CCDC85A: variants seen among roughly 807,000 people sequenced by gnomAD.
CCDC85A encodes the protein coiled-coil domain-containing protein 85A.
CCDC85A carries 38 observed loss-of-function variants against 50.2 expected under a neutral mutation model. The observed-to-expected ratio is 0.76, with a 90% CI of 0.58 to 0.99. The LOEUF is 0.99. Among genes scored for constraint, CCDC85A ranks in the 50% least tolerant of loss-of-function variants. The pLI is 0.00. For synonymous variants in CCDC85A, 366 were observed against 301.4 expected (o/e 1.21, Z -2.22); for missense variants, 820 against 742.0 (o/e 1.11, Z -1.22).
At chr2:56,225,915 C>T (rs1298917246) in intron 2 of CCDC85A, among the ~76,000 whole-genome samples, 1 of 152,078 alleles carries the variant, frequency 6.6e-6, no homozygotes, top group Admixed American at 6.5e-5. Context: ...ATTATATTTC[C>T]AGCTAACTCT....
intron 2 of CCDC85A, among the ~76,000 whole-genome samples, chr2:56,246,433 A>T (rs533679212): frequency 1.3e-5 from 2 of 152,206 alleles, no homozygotes; most frequent in South Asian, 4.1e-4. Context: ...CTAAAAAAAA[A>T]ACCCCACATA....
intron 3 of CCDC85A, among the ~76,000 whole-genome samples, chr2:56,368,825 CACAT>C (rs1487854689): frequency 6.6e-6 from 1 of 151,712 alleles, no homozygotes; most frequent in Non-Finnish European, 1.5e-5. Context: ...TTTATATATA[CACAT>C]ACATATGTAC....
intron 3 of CCDC85A, among the ~76,000 whole-genome samples, chr2:56,364,207 A>G (rs902187824): frequency 7.2e-5 from 11 of 152,086 alleles, no homozygotes; most frequent in Non-Finnish European, 1.2e-4. Context: ...CTACAGAGAC[A>G]CTGGGTGTTT....
intron 1 of CCDC85A, among the ~76,000 whole-genome samples, chr2:56,187,433 A>G (rs1676097744): frequency 6.6e-6 from 1 of 152,134 alleles, no homozygotes; most frequent in East Asian, 1.9e-4. Context: ...CCTAGCACTG[A>G]TTGACTTGTT....
chr2:56,319,786 G>T (rs2104254847), intron 2 of CCDC85A, among the ~76,000 whole-genome samples: 1 of 152,156 alleles, frequency 6.6e-6, no homozygotes, highest in Middle Eastern at 3.4e-3. Context: ...ATTGACTGGG[G>T]AATTCATTGG....
At chr2:56,338,477 G>C (rs183226484) in intron 2 of CCDC85A, among the ~76,000 whole-genome samples, 2 of 152,074 alleles carry the variant, frequency 1.3e-5, no homozygotes, top group African/African-American at 4.8e-5. Context: ...TACCCAAAAG[G>C]CTTCTTTCTT....
chr2:56,326,304 C>T (rs1331371503), intron 2 of CCDC85A, among the ~76,000 whole-genome samples: 1 of 152,096 alleles, frequency 6.6e-6, no homozygotes, highest in Non-Finnish European at 1.5e-5. Context: ...AGATTAAATA[C>T]ATGTAAAAAA....
At chr2:56,232,185 G>A (rs1223839406) in intron 2 of CCDC85A, among the ~76,000 whole-genome samples, 1 of 151,974 alleles carries the variant, frequency 6.6e-6, no homozygotes, top group Non-Finnish European at 1.5e-5. Context: ...ATAAGACTTT[G>A]AGTGAACACC....
At chr2:56,304,963 C>A (rs1367932543) in intron 2 of CCDC85A, among the ~76,000 whole-genome samples, 2 of 150,394 alleles carry the variant, frequency 1.3e-5, no homozygotes, top group African/African-American at 4.9e-5. Context: ...AAAACCTGGG[C>A]GTGGTGGTGT....
chr2:56,351,798 A>G (rs1489142257), intron 3 of CCDC85A, among the ~76,000 whole-genome samples: 2 of 151,578 alleles, frequency 1.3e-5, no homozygotes, highest in East Asian at 1.9e-4. Context: ...CCCATTTTGT[A>G]GGTTGCCTGT....
At chr2:56,189,643 G>A (rs1462074293) in intron 1 of CCDC85A, among the ~76,000 whole-genome samples, 2 of 152,238 alleles carry the variant, frequency 1.3e-5, no homozygotes, top group Admixed American at 1.3e-4. Flanking sequence ...GATTCGGAGA[G>A]TACACTGTGT....
At chr2:56,258,601 T>C (rs903133067) in intron 2 of CCDC85A, among the ~76,000 whole-genome samples, 4 of 152,212 alleles carry the variant, frequency 2.6e-5, no homozygotes, top group African/African-American at 7.2e-5. Context: ...TAGAATGGGA[T>C]AGATAGCAAA....
chr2:56,315,298 T>C (rs1672871912), intron 2 of CCDC85A, among the ~76,000 whole-genome samples: 1 of 152,112 alleles, frequency 6.6e-6, no homozygotes, highest in South Asian at 2.1e-4. Flanking sequence ...TTTGGATAAA[T>C]AACTAAAGAA....
At chr2:56,266,897 A>C (rs552466159) in intron 2 of CCDC85A, among the ~76,000 whole-genome samples, 1 of 152,222 alleles carries the variant, frequency 6.6e-6, no homozygotes, top group Non-Finnish European at 1.5e-5. Flanking sequence ...TGAAACTATT[A>C]ACATTCAAGT....
At chr2:56,291,773 CTTT>C (rs35549209) in intron 2 of CCDC85A, among the ~76,000 whole-genome samples, 58 of 115,460 alleles carry the variant, frequency 5.0e-4, no homozygotes, top group Admixed American at 4.4e-4. Flanking sequence ...AATGGGAAGG[CTTT>C]TTTTTTTTTT....
chr2:56,304,619 G>A (rs1309797100), intron 2 of CCDC85A, among the ~76,000 whole-genome samples: 3 of 152,072 alleles, frequency 2.0e-5, no homozygotes, highest in Non-Finnish European at 4.4e-5. Flanking sequence ...AATAGTAAAT[G>A]TACAAAAAAT....
chr2:56,292,040 A>C (rs143814451), intron 2 of CCDC85A, among the ~76,000 whole-genome samples: 2,496 of 152,240 alleles, frequency 0.016, 107 homozygotes, highest in Admixed American at 0.1. Context: ...AAAAACATTT[A>C]TTATTGCATC....
At chr2:56,189,889 T>C (rs1676225687) in intron 1 of CCDC85A, among the ~76,000 whole-genome samples, 1 of 152,056 alleles carries the variant, frequency 6.6e-6, no homozygotes, top group Non-Finnish European at 1.5e-5. Flanking sequence ...GGAGGCTGCC[T>C]GGGAGGCTGT....
At chr2:56,320,594 A>T (rs1228666413) in intron 2 of CCDC85A, among the ~76,000 whole-genome samples, 1 of 152,184 alleles carries the variant, frequency 6.6e-6, no homozygotes, top group African/African-American at 2.4e-5. Flanking sequence ...AACCAGGAAG[A>T]AGTTGAATCC....
Sources: allele counts gnomAD v4.1 joint callset (sites outside exome capture counted in the v4.1 genomes callset), GRCh38; gene constraint gnomAD v4.1.1; transcripts MANE v1.5; gene names NCBI Gene and HGNC (gene_info 2026-07-23, HGNC 2026-07-21).